Variants in PPT2 observed in about 807,000 individuals in gnomAD.
PPT2 encodes palmitoyl-protein thioesterase 2.
In PPT2, 20 loss-of-function variants were observed where a neutral mutation model predicts 37.3. The ratio of observed to expected loss-of-function variants is 0.54; its 90% CI spans 0.38 to 0.78. The LOEUF is 0.78. Ranked by LOEUF, PPT2 falls within the 30% of genes least tolerant of loss-of-function variation. The pLI, the probability that PPT2 is intolerant of heterozygous loss-of-function variation, is 0.00. For synonymous variants in PPT2, 135 were observed against 159.1 expected, an observed-to-expected ratio of 0.85 and a Z score of 1.14; for missense variants, 270 against 389.8, an observed-to-expected ratio of 0.69 and a Z score of 2.59.
At chr6:32,153,805 C>T, upstream of PPT2, 1 of 1,063,708 alleles carries the variant, frequency 9.4e-7, no homozygotes, top group South Asian at 1.7e-5. The surrounding 1 kb of genome is among the most constrained non-coding windows in gnomAD (Gnocchi z 4.4). Context: ...TTGGGGAATG[C>T]AAACTTCGTG....
At chr6:32,153,961 C>G, upstream of PPT2, 2 of 1,369,528 alleles carry the variant, frequency 1.5e-6, no homozygotes, top group Non-Finnish European at 1.9e-6. The surrounding 1 kb of genome is among the most constrained non-coding windows in gnomAD (Gnocchi z 4.4). Flanking sequence ...CCTCTCCCCA[C>G]TGGCCTAAAT....
chr6:32,154,901 T>TG lies in PPT2; in HGVS notation c.184-124dup. ...GTTCCTCAGGGAGCTGGTGCTGGCG[T>TG]GGGGGAGAGTTGGGGGACGGGATCC... On this transcript the variant is annotated intron_variant, in intron 2 of 8. Coordinates refer to ENST00000324816, the MANE Select transcript of PPT2 (RefSeq NM_005155.7). The surrounding 1 kb of genome is among the most constrained non-coding windows in gnomAD (Gnocchi z 7.3). 1 of 1,529,104 alleles carries TG rather than the reference T, an allele frequency of 6.5e-7. No individual in the cohort carries two copies. Among genetic ancestry groups the TG allele is most frequent in the East Asian group, 2.3e-5 (1 of 43,884 alleles). 94.7% of individuals were successfully genotyped at this position (1,529,104 alleles called of 1,614,324 possible).
Position 32,162,970 on chromosome 6 carries a change from C to T in PPT2, c.*20C>T, listed in dbSNP as rs1301422855. The T allele has an allele frequency of 1.2e-6, 2 of 1,603,112 alleles. No individual in the cohort carries two copies. Among genetic ancestry groups the T allele is most frequent in the Non-Finnish European group, 1.7e-6 (2 of 1,175,036 alleles). Reference sequence around the variant, plus strand: ...TCCTGAGGATATATTCAGGGGTCCCCAGGAACTCCTCGGTCCAGAGACCAA... The same window carrying T: ...TCCTGAGGATATATTCAGGGGTCCCTAGGAACTCCTCGGTCCAGAGACCAA... On this transcript the variant is annotated 3_prime_UTR_variant, in exon 9 of 9. Coordinates refer to ENST00000324816, the MANE Select transcript of PPT2 (RefSeq NM_005155.7). The surrounding 1 kb of genome is among the most constrained non-coding windows in gnomAD (Gnocchi z 5.5).
intron 7 of PPT2, among the ~76,000 whole-genome samples, chr6:32,160,333 A>G (rs1285194439): frequency 7.0e-6 from 1 of 143,478 alleles, no homozygotes; most frequent in African/African-American, 2.6e-5. Flanking sequence ...GCGTGAGCCC[A>G]CGCACCCGGC....
At chr6:32,154,063 TC>T (rs1243452626), upstream of PPT2, 5 of 1,102,666 alleles carry the variant, frequency 4.5e-6, no homozygotes, top group Non-Finnish European at 5.5e-6. This position sits in a 1 kb window ranked among gnomAD's most constrained non-coding sequence, Gnocchi z 7.3. Flanking sequence ...CGGGGAACGC[TC>T]GCGCGGTTGC....
chr6:32,155,805 T>C lies in PPT2; in HGVS notation c.433+22T>C, dbSNP rs1482729443. On this transcript the variant is annotated intron_variant, in intron 4 of 8. Coordinates refer to ENST00000324816, the MANE Select transcript of PPT2 (RefSeq NM_005155.7). This position sits in a 1 kb window ranked among gnomAD's most constrained non-coding sequence, Gnocchi z 4.3. ...GGAGGTGAGTGGGCACTAGACTCCATAGAATGCCCTGAGTTTTGGGGGAAC... is the reference window on the plus strand; with the variant it reads ...GGAGGTGAGTGGGCACTAGACTCCACAGAATGCCCTGAGTTTTGGGGGAAC... 1 of 1,611,516 alleles carries C rather than the reference T, an allele frequency of 6.2e-7. No homozygotes were observed. Among genetic ancestry groups the C allele is most frequent in the South Asian group, 1.1e-5 (1 of 91,022 alleles).
rs1004676124 is a variant in PPT2 at position 32,163,143 on chromosome 6, C to T, written c.*193C>T. The T allele has an allele frequency of 1.8e-5, 11 of 619,768 alleles. No individual in the cohort carries two copies. The highest frequency in any genetic ancestry group is 2.8e-5 in the Non-Finnish European group (10 of 363,318). The allele number at this position is 619,768 out of a possible 1,614,324, so 38.4% of individuals were successfully genotyped here. A position where few individuals can be genotyped will look rare whatever the true frequency, so the allele number is the denominator to read the frequency against. On this transcript the variant is annotated 3_prime_UTR_variant, in exon 9 of 9. Coordinates refer to ENST00000324816, the MANE Select transcript of PPT2 (RefSeq NM_005155.7). ...CCTTCCTCTGCTCCTCCATGAATGA[C>T]AATTCCAGGCCTCCCCTACCTCATG... is the stretch of plus-strand genomic sequence containing the variant.
upstream of PPT2, chr6:32,153,569 A>C (rs954592342): frequency 1.7e-4 from 267 of 1,568,650 alleles, no homozygotes; most frequent in Non-Finnish European, 2.1e-4. The surrounding 1 kb of genome is among the most constrained non-coding windows in gnomAD (Gnocchi z 4.4). Context: ...CACTTAGCTC[A>C]AGGGGCCTCG....
rs1783712862 is a variant in PPT2 at position 32,155,553 on chromosome 6, CTT to C, written c.338-133_338-132del. The C allele has an allele frequency of 1.2e-5, 9 of 777,014 alleles. No homozygotes were observed. Among genetic ancestry groups the C allele is most frequent in the Non-Finnish European group, 1.9e-5 (9 of 470,594 alleles). The allele number at this position is 777,014 out of a possible 1,614,324, so 48.1% of individuals were successfully genotyped here. ...CCTGCCTTCTGTAAGCCTCAGTCTC[CTT>C]TGTGTACAGTGTGTGTCTGTGTGTG... On this transcript the variant is annotated intron_variant, in intron 3 of 8. Coordinates refer to ENST00000324816, the MANE Select transcript of PPT2 (RefSeq NM_005155.7). The surrounding 1 kb of genome is among the most constrained non-coding windows in gnomAD (Gnocchi z 4.3).
At position 32,154,587 on chromosome 6, in the gene PPT2, G is replaced by A. The variant is rs752623987; in HGVS notation, c.-8G>A. 6.2e-7 allele frequency: 1 copy of A among 1,608,554 alleles called. No individual in the cohort carries two copies. Among genetic ancestry groups the A allele is most frequent in the Non-Finnish European group, 8.5e-7 (1 of 1,177,226 alleles). On this transcript the variant is annotated splice_region_variant and 5_prime_UTR_variant, in exon 2 of 9. Coordinates refer to ENST00000324816, the MANE Select transcript of PPT2 (RefSeq NM_005155.7). This position sits in a 1 kb window ranked among gnomAD's most constrained non-coding sequence, Gnocchi z 7.3. ...CATGCCCTTATCACCCCTTTCTCAG[G>A]CGGGAGCATGCTGGGGCTCTGCGGG...
rs9469087 is a variant in PPT2 at position 32,161,688 on chromosome 6, A to G, written c.711-880A>G. The stretch of plus-strand genomic sequence containing the variant: ...CTGCAACCTTTGCGTCCCAGAATCA[A>G]GCAATTCTCCTGCCTCTGCCTCCTG... On this transcript the variant is annotated intron_variant, in intron 7 of 8. Coordinates refer to ENST00000324816, the MANE Select transcript of PPT2 (RefSeq NM_005155.7). Among the ~76,000 whole-genome samples, 829 of 150,924 alleles carry G rather than the reference A, an allele frequency of 5.5e-3. 3 individuals carry two copies. Among genetic ancestry groups the G allele is most frequent in the East Asian group, 0.017 (89 of 5,116 alleles).
At position 32,154,880 on chromosome 6, in the gene PPT2, C is replaced by T; in HGVS notation, c.183+103C>T. On this transcript the variant is annotated intron_variant, in intron 2 of 8. Transcript: ENST00000324816. The surrounding 1 kb of genome is among the most constrained non-coding windows in gnomAD (Gnocchi z 7.3). ...CCACCCCTCTGGGCCTGCCCAGTTC[C>T]TCAGGGAGCTGGTGCTGGCGTGGGG... The T allele has an allele frequency of 6.5e-7, 1 of 1,527,536 alleles. No homozygotes were observed. Among genetic ancestry groups the T allele is most frequent in the Non-Finnish European group, 8.9e-7 (1 of 1,123,520 alleles). The allele number at this position is 1,527,536 out of a possible 1,614,324, so 94.6% of individuals were successfully genotyped here.
chr6:32,163,036 T>C lies in PPT2; in HGVS notation c.*86T>C. ...AGCAGATGTCAGGCTTTGGTGTGCC[T>C]GTGACCACCTCATTGCTCCCATATT... is the stretch of plus-strand genomic sequence containing the variant. On this transcript the variant is annotated 3_prime_UTR_variant, in exon 9 of 9. Transcript: ENST00000324816. 1 of 1,410,462 alleles carries C rather than the reference T, an allele frequency of 7.1e-7. No homozygotes were observed. The highest frequency in any genetic ancestry group is 9.7e-7 in the Non-Finnish European group (1 of 1,030,674). 87.4% of individuals were successfully genotyped at this position (1,410,462 alleles called of 1,614,324 possible). A position where few individuals can be genotyped will look rare whatever the true frequency, so the allele number is the denominator to read the frequency against.
At chr6:32,159,720 C>A (rs1784026915) in intron 7 of PPT2, among the ~76,000 whole-genome samples, 1 of 150,148 alleles carries the variant, frequency 6.7e-6, no homozygotes, top group Admixed American at 6.6e-5. Flanking sequence ...GTCACTGTTT[C>A]TTCCTTTTTT....
At chr6:32,159,232 G>C (rs751973202) in intron 7 of PPT2, among the ~76,000 whole-genome samples, 1 of 151,672 alleles carries the variant, frequency 6.6e-6, no homozygotes, top group Non-Finnish European at 1.5e-5. Context: ...TCGGGAGTTC[G>C]AGACTAGCCC....
chr6:32,157,931 A>G lies in PPT2; in HGVS notation c.710+7A>G. The G allele has an allele frequency of 1.2e-6, 2 of 1,603,416 alleles. No homozygotes were observed. Among genetic ancestry groups the G allele is most frequent in the East Asian group, 4.5e-5 (2 of 44,816 alleles). ...TTACTCCCTGGCAGTCCAGGTAATA[A>G]GGGATTTTGTGGCCTGAAGATTGGC... is the stretch of plus-strand genomic sequence containing the variant. On this transcript the variant is annotated splice_region_variant and intron_variant, in intron 7 of 8. Coordinates refer to ENST00000324816, the MANE Select transcript of PPT2 (RefSeq NM_005155.7).
At chr6:32,159,449 A>AG (rs1383259147) in intron 7 of PPT2, among the ~76,000 whole-genome samples, 4 of 126,138 alleles carry the variant, frequency 3.2e-5, no homozygotes, top group Non-Finnish European at 6.8e-5. Context: ...AAAAAAAAAA[A>AG]AAATATATAT....
chr6:32,154,438 G>C lies in PPT2; in HGVS notation c.-9+34G>C, dbSNP rs1440361831. On this transcript the variant is annotated intron_variant, in intron 1 of 8. Transcript: ENST00000324816. The surrounding 1 kb of genome is among the most constrained non-coding windows in gnomAD (Gnocchi z 7.3). Reference sequence around the variant, plus strand: ...ACGTGGTGGGGGGGTGTGTTTGTAGGGAGAGGGCTGGAGTAAGTTAAAAGT... The same window carrying C: ...ACGTGGTGGGGGGGTGTGTTTGTAGCGAGAGGGCTGGAGTAAGTTAAAAGT... The C allele has an allele frequency of 6.8e-7, 1 of 1,478,380 alleles. No homozygotes were observed. The highest frequency in any genetic ancestry group is 2.3e-5 in the East Asian group (1 of 42,594). The allele number at this position is 1,478,380 out of a possible 1,614,324, so 91.6% of individuals were successfully genotyped here.
rs867599509 is a variant in PPT2 at position 32,155,584 on chromosome 6, C to G, written c.338-104C>G. On this transcript the variant is annotated intron_variant, in intron 3 of 8. Transcript: ENST00000324816. This position sits in a 1 kb window ranked among gnomAD's most constrained non-coding sequence, Gnocchi z 4.3. ...GTACAGTGTGTGTCTGTGTGTGTCT[C>G]TGTGTGTGTGTGTGTGTGTGTGTGT... is the stretch of plus-strand genomic sequence containing the variant. The G allele has an allele frequency of 1.1e-4, 76 of 698,700 alleles. No individual in the cohort carries two copies. Among genetic ancestry groups the G allele is most frequent in the African/African-American group, 6.7e-4 (31 of 46,066 alleles). 43.3% of individuals were successfully genotyped at this position (698,700 alleles called of 1,614,324 possible). A position where few individuals can be genotyped will look rare whatever the true frequency, so the allele number is the denominator to read the frequency against.
Sources: allele counts gnomAD v4.1 joint callset (sites outside exome capture counted in the v4.1 genomes callset), GRCh38; gene constraint gnomAD v4.1.1; non-coding constraint Gnocchi (gnomAD v3.1); transcripts MANE v1.5; gene names NCBI Gene and HGNC (gene_info 2026-07-23, HGNC 2026-07-21).